Variants in AGAP2 observed in about 807,000 individuals in gnomAD.
AGAP2 encodes arf-GAP with GTPase, ANK repeat and PH domain-containing protein 2.
In AGAP2, 32 loss-of-function variants were observed where a neutral mutation model predicts 110.9. That is an observed-to-expected ratio of 0.29 (90% confidence interval 0.22 to 0.39). The LOEUF is 0.39. AGAP2 is among the 10% of genes least tolerant of loss of function. AGAP2 has a pLI of 1.00. For missense variants in AGAP2, 1,285 were observed against 1,638.5 expected (o/e 0.78, Z 3.72); for synonymous variants, 702 against 713.0 (o/e 0.98, Z 0.25).
chr12:57,741,212 G>C (rs560107991), upstream of AGAP2, among the ~76,000 whole-genome samples: 1 of 152,158 alleles, frequency 6.6e-6, no homozygotes, highest in Non-Finnish European at 1.5e-5. Context: ...AGGATGTGGC[G>C]GATGGTGTTG....
At chr12:57,741,834 G>C, upstream of AGAP2, 1 of 1,508,662 alleles carries the variant, frequency 6.6e-7, no homozygotes, top group Non-Finnish European at 9.1e-7. Context: ...ACTGGGAATT[G>C]ATATATGATA....
downstream of AGAP2, chr12:57,724,828 G>C (rs556515243): frequency 9.8e-5 from 15 of 152,524 alleles, no homozygotes; most frequent in East Asian, 2.9e-3. Flanking sequence ...GGAGGGGCAG[G>C]TTTCAAAATC....
chr12:57,728,607 G>A (rs1954820882), intron 13 of AGAP2, among the ~76,000 whole-genome samples: 1 of 152,212 alleles, frequency 6.6e-6, no homozygotes, highest in Non-Finnish European at 1.5e-5. Context: ...GGCAGATCTG[G>A]AACCTGGGTC....
intron 13 of AGAP2, among the ~76,000 whole-genome samples, chr12:57,728,729 G>C (rs1954823723): frequency 1.3e-5 from 2 of 152,114 alleles, no homozygotes; most frequent in Non-Finnish European, 2.9e-5. Flanking sequence ...ACGGGGGAAG[G>C]GGACAGAAGC....
rs1218149456 is a variant in AGAP2, at chr12:57,731,424, T to C, written c.2087A>G (p.Lys696Arg). 1 of 1,614,206 alleles carries C rather than the reference T, an allele frequency of 6.2e-7. No individual in the cohort carries two copies. The highest frequency in any genetic ancestry group is 1.1e-5 in the South Asian group (1 of 91,082). ...ACTGGACAGGGTTACATATTTCTTC[T>C]TCCATTCTTTGTTCAAGGAATTGCC... is the stretch of plus-strand genomic sequence containing the variant. ...RSGNSLNKEW[K>R]KKYVTLSSNG... The change falls in exon 10 of 19, where the codon AAG becomes AGG. Residue 696 changes from lysine to arginine, a missense_variant. Transcript: ENST00000547588.
intron 9 of AGAP2, 35 bp downstream of exon 9, chr12:57,731,521 T>G (rs754953620): frequency 6.2e-7 from 1 of 1,613,924 alleles, no homozygotes; most frequent in Non-Finnish European, 8.5e-7. Context: ...TAAGACCAGC[T>G]GCCCCTAGCC....
At chr12:57,727,905 G>A (rs1954804376) in intron 15 of AGAP2, 32 bp downstream of exon 15, 4 of 1,612,204 alleles carry the variant, frequency 2.5e-6, no homozygotes, top group African/African-American at 1.3e-5. Context: ...CAGTTCCTGC[G>A]GCCAGTCCTC....
upstream of AGAP2, among the ~76,000 whole-genome samples, chr12:57,739,005 C>T (rs1368466031): frequency 2.0e-5 from 3 of 148,510 alleles, no homozygotes; most frequent in Non-Finnish European, 1.5e-5. Context: ...CCTATCTCCC[C>T]CCCACCTTTT....
At chr12:57,732,751 C>T (rs1954910323) in intron 6 of AGAP2, 94 bp downstream of exon 6, 2 of 1,562,970 alleles carry the variant, frequency 1.3e-6, no homozygotes, top group Admixed American at 1.8e-5. Flanking sequence ...AATTTCCTGT[C>T]ACTCACAGAG....
chr12:57,738,266 G>A lies in AGAP2; in HGVS notation c.-20C>T, dbSNP rs1235222637. 2 of 1,497,318 alleles carry A rather than the reference G, an allele frequency of 1.3e-6. No individual in the cohort carries two copies. The highest frequency in any genetic ancestry group is 4.2e-5 in the Admixed American group (2 of 47,350). 92.8% of individuals were successfully genotyped at this position (1,497,318 alleles called of 1,614,324 possible). On this transcript the variant is annotated 5_prime_UTR_variant, in exon 1 of 19. Transcript: ENST00000547588. The surrounding 1 kb of genome is among the most constrained non-coding windows in gnomAD (Gnocchi z 6.7). The stretch of plus-strand genomic sequence containing the variant: ...GCTCATGGGGCCCGGAGACCCCCGA[G>A]CTGGGGAGGGGAGGGGACTCCCCCG...
Position 57,736,911 on chromosome 12 carries a change from C to A in AGAP2, c.1168+168G>T, listed in dbSNP as rs570588953. ...TCGCACAATGTAGCTACTCGCCCCG[C>A]TTCAGGACTCCTATTCTTTGCCCCA... On this transcript the variant is annotated intron_variant, in intron 1 of 18. Coordinates refer to ENST00000547588, the MANE Select transcript of AGAP2 (RefSeq NM_001122772.3). 4.6e-5 allele frequency among the ~76,000 whole-genome samples: 7 copies of A among 152,342 alleles called. No homozygotes were observed. In the East Asian group the frequency reaches 1.4e-3, roughly 29 times the overall value.
chr12:57,730,046 A>G (rs1954854452), intron 12 of AGAP2, among the ~76,000 whole-genome samples: 1 of 152,232 alleles, frequency 6.6e-6, no homozygotes, highest in South Asian at 2.1e-4. Flanking sequence ...TCTCTGAAAT[A>G]GGGGTAATAA....
At chr12:57,736,973 AC>A in intron 1 of AGAP2, 105 bp downstream of exon 1, 1 of 1,438,110 alleles carries the variant, frequency 7.0e-7, no homozygotes. Flanking sequence ...TCATCCGCCC[AC>A]CCCAGAGAAA....
intron 13 of AGAP2, among the ~76,000 whole-genome samples, chr12:57,728,808 G>A (rs1203776524): frequency 6.6e-6 from 1 of 152,100 alleles, no homozygotes. Flanking sequence ...ATCACTGAGG[G>A]ACAAGAATGG....
chr12:57,742,135 G>T (rs373597327), upstream of AGAP2: 5 of 1,569,022 alleles, frequency 3.2e-6, no homozygotes, highest in Middle Eastern at 1.9e-4. Context: ...TGGCCCTACA[G>T]CCCCCAAACC....
chr12:57,733,049 A>G (rs1284082221), intron 5 of AGAP2, 70 bp from the exon 6 acceptor site: 3 of 1,591,798 alleles, frequency 1.9e-6, no homozygotes, highest in Non-Finnish European at 2.6e-6. Flanking sequence ...CAATTCCCTT[A>G]TCCTTGCACT....
intron 1 of AGAP2, among the ~76,000 whole-genome samples, chr12:57,736,358 C>A (rs535400602): frequency 6.6e-6 from 1 of 152,346 alleles, no homozygotes; most frequent in South Asian, 2.1e-4. Context: ...CCCGTACCGC[C>A]TCCCAAGTCT....
chr12:57,728,426 GAGAA>G (rs1954817234), intron 13 of AGAP2, 49 bp from the exon 14 acceptor site: 3 of 1,579,998 alleles, frequency 1.9e-6, no homozygotes, highest in South Asian at 1.1e-5. Context: ...GAGCAGAACA[GAGAA>G]AGAGAGACCA....
rs902081442 is a variant in AGAP2 at position 57,725,742 on chromosome 12, C to T, written c.*810G>A. The T allele has an allele frequency of 6.9e-6, 1 of 144,098 alleles. No homozygotes were observed. The highest frequency in any genetic ancestry group is 2.6e-5 in the African/African-American group (1 of 38,866). 8.9% of individuals were successfully genotyped at this position (144,098 alleles called of 1,614,324 possible). On this transcript the variant is annotated 3_prime_UTR_variant, in exon 19 of 19. Coordinates refer to ENST00000547588, the MANE Select transcript of AGAP2 (RefSeq NM_001122772.3). ...CTGGGCTTCCCCTACCCCAAAACGC[C>T]CTCCCCACGCCCCTGCCCGCCCCCA...
Sources: gnomAD v4.1 joint callset for allele counts (sites outside exome capture counted in the v4.1 genomes callset) on GRCh38, gnomAD v4.1.1 for gene constraint, Gnocchi (gnomAD v3.1) non-coding constraint, MANE v1.5 for transcripts, NCBI Gene and HGNC (gene_info 2026-07-23, HGNC 2026-07-21) for gene names.